Variants in KCNAB3 observed in about 807,000 individuals in gnomAD.
KCNAB3 encodes the protein potassium voltage-gated channel subfamily A regulatory beta subunit 3.
Under a neutral mutation model 67.7 loss-of-function variants are expected in KCNAB3, and 62 were observed. That is an observed-to-expected ratio of 0.92 (90% CI 0.75 to 1.13). The LOEUF (loss-of-function observed/expected upper bound fraction) is 1.13, where lower values mean the gene tolerates loss of function less well. KCNAB3 is among the 50% of genes most tolerant of loss of function. The pLI, the probability that KCNAB3 is intolerant of heterozygous loss-of-function variation, is 0.00. For missense variants in KCNAB3, 514 were observed against 522.9 expected (o/e 0.98, Z 0.17); for synonymous variants, 212 against 205.4 (o/e 1.03, Z -0.27).
Position 7,925,625 on chromosome 17 carries a change from C to G in KCNAB3, c.538+58G>C, listed in dbSNP as rs377625558. On this transcript the variant is annotated intron_variant, in intron 7 of 13. Transcript: ENST00000303790. ...AGCCTCCAGAAGTTCAGAGAATGTT[C>G]CCTACTCCTCTGGCTTCCATATCCC... is the stretch of plus-strand genomic sequence containing the variant. 7.9e-5 allele frequency: 122 copies of G among 1,553,882 alleles called. No homozygotes were observed. In the African/African-American group the frequency reaches 1.3e-3, roughly 17 times the overall value.
chr17:7,926,773 G>A (rs1170771480), intron 4 of KCNAB3, among the ~76,000 whole-genome samples: 1 of 152,106 alleles, frequency 6.6e-6, no homozygotes, highest in Non-Finnish European at 1.5e-5. Context: ...GCCAGGCTCT[G>A]TGTGGGTACT....
chr17:7,923,501 C>T lies in KCNAB3; in HGVS notation c.1092G>A (p.Gly364=). 2 of 1,612,712 alleles carry T rather than the reference C, an allele frequency of 1.2e-6. No homozygotes were observed. The highest frequency in any genetic ancestry group is 1.7e-6 in the Non-Finnish European group (2 of 1,179,456). Residue 364 remains glycine (G), a synonymous_variant, in exon 13 of 14, where the codon GGG becomes GGA. Coordinates refer to ENST00000303790, the MANE Select transcript of KCNAB3 (RefSeq NM_004732.4). ...CTATCAACTGCTCCGCACTCGACAC[C>T]CCCAGCAAGACAGAGCTGACACCCT... is the stretch of plus-strand genomic sequence containing the variant. ...RSEGVSSVLL[G]VSSAEQLIEH... is the part of the protein sequence containing the mutation.
chr17:7,927,246 A>C (rs1389219694), intron 4 of KCNAB3, 98 bp downstream of exon 4: 2 of 1,159,734 alleles, frequency 1.7e-6, no homozygotes, highest in East Asian at 4.7e-5. Flanking sequence ...TCACGTTCTC[A>C]GAAGTCCCAG....
chr17:7,927,280 A>G, intron 4 of KCNAB3, 64 bp downstream of exon 4: 2 of 1,441,104 alleles, frequency 1.4e-6, no homozygotes, highest in South Asian at 2.3e-5. Context: ...GAAAACGAGA[A>G]GATAATCCCT....
At chr17:7,925,767 T>C (rs764997975) in intron 6 of KCNAB3, 41 bp from the exon 7 acceptor site, 25 of 1,613,220 alleles carry the variant, frequency 1.5e-5, no homozygotes, top group Non-Finnish European at 2.0e-5. Context: ...GTGACAAAGA[T>C]AGGGGACCGG....
chr17:7,923,418 G>T (rs1349313493), intron 13 of KCNAB3, 38 bp downstream of exon 13: 1 of 1,577,972 alleles, frequency 6.3e-7, no homozygotes, highest in Non-Finnish European at 8.6e-7. Context: ...TCCTGGGGAG[G>T]GGGACAGATA....
intron 11 of KCNAB3, 22 bp from the exon 12 acceptor site, chr17:7,923,853 C>A: frequency 6.4e-7 from 1 of 1,563,778 alleles, no homozygotes; most frequent in African/African-American, 1.4e-5. Flanking sequence ...GAAGAATCAA[C>A]AGAAGACCCC....
At position 7,923,701 on chromosome 17, in the gene KCNAB3, A is replaced by G. The variant is rs1463525210; in HGVS notation, c.1048+10T>C. The G allele has an allele frequency of 3.2e-6, 5 of 1,557,128 alleles. No homozygotes were observed. Among genetic ancestry groups the G allele is most frequent in the Non-Finnish European group, 4.3e-6 (5 of 1,149,982 alleles). ...AGGAGACAGGGCCCCTGCAGGGTGC[A>G]ATGTCTCACCAATAGCAAGCTGGGC... On this transcript the variant is annotated intron_variant, in intron 12 of 13. Coordinates refer to ENST00000303790, the MANE Select transcript of KCNAB3 (RefSeq NM_004732.4).
At position 7,929,346 on chromosome 17, in the gene KCNAB3, G is replaced by A. The variant is rs1268985172; in HGVS notation, c.90C>T (p.Gly30=). ...RLCGPRPGPG[G]GNGGPAGGGH... ...CCCCGCCGGCCGGCCCACCATTACC[G>A]CCCCCGGGGCCCGGCCGGGGTCCAC... The change falls in exon 1 of 14, where the codon GGC becomes GGT. Residue 30 remains glycine (G), a synonymous_variant. Coordinates refer to ENST00000303790, the MANE Select transcript of KCNAB3 (RefSeq NM_004732.4). This position sits in a 1 kb window ranked among gnomAD's most constrained non-coding sequence, Gnocchi z 5.7. The A allele has an allele frequency of 9.7e-6, 15 of 1,549,284 alleles. No homozygotes were observed. The highest frequency in any genetic ancestry group is 1.4e-5 in the African/African-American group (1 of 72,972).
chr17:7,926,140 T>C (rs773755931), intron 4 of KCNAB3, 37 bp from the exon 5 acceptor site: 2 of 1,612,322 alleles, frequency 1.2e-6, no homozygotes, highest in Admixed American at 3.3e-5. Context: ...TGATCCCTTC[T>C]AGGCCAATCA....
In KCNAB3 at chr17:7,925,529, CAAAAAAAAAA is replaced by C. The variant is rs35440319; in HGVS notation, c.538+144_538+153del. ...GGACAACAAGAGTGAAACTCCGTCT[CAAAAAAAAAA>C]AAAAAAAAAAAAGAATTCAGACCTT... On this transcript the variant is annotated intron_variant, in intron 7 of 13. Transcript: ENST00000303790. 30 of 433,668 alleles carry C rather than the reference CAAAAAAAAAA, an allele frequency of 6.9e-5. No individual in the cohort carries two copies. In the Middle Eastern group the frequency reaches 1.7e-3, roughly 25 times the overall value. 26.9% of individuals were successfully genotyped at this position (433,668 alleles called of 1,614,324 possible). A position where few individuals can be genotyped will look rare whatever the true frequency, so the allele number is the denominator to read the frequency against.
At position 7,924,649 on chromosome 17, in the gene KCNAB3, C is replaced by T. The variant is rs1431455380; in HGVS notation, c.626-149G>A. 7.9e-6 allele frequency: 11 copies of T among 1,395,538 alleles called. No individual in the cohort carries two copies. In the South Asian group the frequency reaches 1.1e-4, roughly 14 times the overall value. 86.4% of individuals were successfully genotyped at this position (1,395,538 alleles called of 1,614,324 possible). ...TCTACTCTTTGCCTCTCTTCCTGTC[C>T]ACATCCTGGAGTCTCAGCCTCCACT... On this transcript the variant is annotated intron_variant, in intron 8 of 13. Coordinates refer to ENST00000303790, the MANE Select transcript of KCNAB3 (RefSeq NM_004732.4).
At position 7,929,828 on chromosome 17, in the gene KCNAB3, CCCA is replaced by C; in HGVS notation, c.-396_-394del. ...GAACCGCTGCGGGACCCGCTGGGCT[CCCA>C]GCCGCGTCGGCAGCGGGCCCAGCTC... On this transcript the variant is annotated 5_prime_UTR_variant, in exon 1 of 14. Transcript: ENST00000303790. This position sits in a 1 kb window ranked among gnomAD's most constrained non-coding sequence, Gnocchi z 5.7. 7 of 734,276 alleles carry C rather than the reference CCCA, an allele frequency of 9.5e-6. No homozygotes were observed. The highest frequency in any genetic ancestry group is 6.3e-5 in the South Asian group (1 of 15,750). 45.5% of individuals were successfully genotyped at this position (734,276 alleles called of 1,614,324 possible).
rs1445914252 is a variant in KCNAB3, at chr17:7,929,730, A to T, written c.-295T>A. The T allele has an allele frequency of 2.7e-5, 34 of 1,280,312 alleles. No individual in the cohort carries two copies. The highest frequency in any genetic ancestry group is 3.4e-5 in the Non-Finnish European group (34 of 1,008,534). 79.3% of individuals were successfully genotyped at this position (1,280,312 alleles called of 1,614,324 possible). A position where few individuals can be genotyped will look rare whatever the true frequency, so the allele number is the denominator to read the frequency against. ...GGGAAATGGATGAGGGTAAAGGTCG[A>T]GGATGAGGTAAAGGTCTCGGAGGAT... is the stretch of plus-strand genomic sequence containing the variant. On this transcript the variant is annotated 5_prime_UTR_variant, in exon 1 of 14. Coordinates refer to ENST00000303790, the MANE Select transcript of KCNAB3 (RefSeq NM_004732.4). The surrounding 1 kb of genome is among the most constrained non-coding windows in gnomAD (Gnocchi z 5.7).
rs982177523 is a variant in KCNAB3, at chr17:7,922,350, T to A, written c.*752A>T. The A allele has an allele frequency of 3.3e-5, 5 of 152,022 alleles. No homozygotes were observed. The highest frequency in any genetic ancestry group is 1.2e-4 in the African/African-American group (5 of 41,356). The allele number at this position is 152,022 out of a possible 1,614,324, so 9.4% of individuals were successfully genotyped here. On this transcript the variant is annotated 3_prime_UTR_variant, in exon 14 of 14. Transcript: ENST00000303790. ...TATACCCAGACGTTTTATTTATTTA[T>A]TTTTTTTAAATCAAGGCGTCCCTGC...
In KCNAB3 at chr17:7,929,667, A is replaced by G; in HGVS notation, c.-232T>C. The G allele has an allele frequency of 2.2e-6, 3 of 1,385,798 alleles. No individual in the cohort carries two copies. The highest frequency in any genetic ancestry group is 2.8e-6 in the Non-Finnish European group (3 of 1,072,710). The allele number at this position is 1,385,798 out of a possible 1,614,324, so 85.8% of individuals were successfully genotyped here. On this transcript the variant is annotated 5_prime_UTR_variant, in exon 1 of 14. Coordinates refer to ENST00000303790, the MANE Select transcript of KCNAB3 (RefSeq NM_004732.4). This position sits in a 1 kb window ranked among gnomAD's most constrained non-coding sequence, Gnocchi z 5.7. ...CGTGGGGGGCGCCAGGAGTGGAGAT[A>G]TTCAGTTACGGGGGACACAGGAGCA...
chr17:7,925,169 G>A lies in KCNAB3; in HGVS notation c.553C>T (p.Leu185=). Reference sequence around the variant, plus strand: ...ACGTATCCCAGCTGGAGGCGTTCCAGGGATCCTCGCAAGCCTGGAGGTGGG... The same window carrying A: ...ACGTATCCCAGCTGGAGGCGTTCCAAGGATCCTCGCAAGCCTGGAGGTGGG... The part of the protein sequence containing the change: ...KHIIEGLRGS[L]ERLQLGYVDI... Residue 185 remains leucine, a synonymous_variant, in exon 8 of 14, where the codon CTG becomes TTG. Transcript: ENST00000303790. 2 of 1,613,704 alleles carry A rather than the reference G, an allele frequency of 1.2e-6. No individual in the cohort carries two copies. Among genetic ancestry groups the A allele is most frequent in the Non-Finnish European group, 1.7e-6 (2 of 1,179,788 alleles).
rs752051222 is a variant in KCNAB3, at chr17:7,925,125, A to C, written c.597T>G (p.Asn199Lys). The C allele has an allele frequency of 6.2e-7, 1 of 1,613,718 alleles. No homozygotes were observed. Among genetic ancestry groups the C allele is most frequent in the Non-Finnish European group, 8.5e-7 (1 of 1,179,774 alleles). Reference protein sequence around the residue: ...QLGYVDIVFANRSDPNCPMEE... With the variant: ...QLGYVDIVFAKRSDPNCPMEE... ...CCATAGGACAGTTGGGGTCTGAGCGATTGGCAAAGACAATGTCCACGTATC... is the reference window on the plus strand; with the variant it reads ...CCATAGGACAGTTGGGGTCTGAGCGCTTGGCAAAGACAATGTCCACGTATC... Residue 199 changes from asparagine (N) to lysine (K), a missense_variant, in exon 8 of 14, where the codon AAT becomes AAG. Physicochemically the swap from Asn to Lys is moderately conservative, Grantham distance 94 (BLOSUM62 0). Transcript: ENST00000303790.
At position 7,924,425 on chromosome 17, in the gene KCNAB3, G is replaced by T; in HGVS notation, c.701C>A (p.Ala234Glu). The T allele has an allele frequency of 6.2e-7, 1 of 1,613,862 alleles. No homozygotes were observed. Among genetic ancestry groups the T allele is most frequent in the Admixed American group, 1.7e-5 (1 of 59,982 alleles). Reference sequence around the variant, plus strand: ...GGGTCACACACTCACCATGATTTCTGCAGCCCCCCATCGGGATGTCCCCCA... The same window carrying T: ...GGGTCACACACTCACCATGATTTCTTCAGCCCCCCATCGGGATGTCCCCCA... ...LYWGTSRWGA[A>E]EIMEAYSMAR... The change falls in exon 9 of 14, where the codon GCA becomes GAA. Residue 234 changes from alanine to glutamate, a missense_variant. Physicochemically the swap from Ala to Glu is moderately radical, Grantham distance 107. Transcript: ENST00000303790.
Sources: allele counts gnomAD v4.1 joint callset (sites outside exome capture counted in the v4.1 genomes callset), GRCh38; gene constraint gnomAD v4.1.1; non-coding constraint Gnocchi (gnomAD v3.1); transcripts MANE v1.5; gene names NCBI Gene and HGNC (gene_info 2026-07-23, HGNC 2026-07-21).